Variants in LRRC56 observed in about 807,000 individuals in gnomAD.
The protein encoded by LRRC56 is leucine rich repeat containing 56, also known as leucine-rich repeat-containing protein 56.
LRRC56 carries 41 observed loss-of-function variants against 47.8 expected under a neutral mutation model. The ratio of observed to expected loss-of-function variants is 0.86; its 90% CI spans 0.67 to 1.11. The LOEUF (loss-of-function observed/expected upper bound fraction) is 1.11, where lower values mean the gene tolerates loss of function less well. Among genes scored for constraint, LRRC56 ranks in the 50% most tolerant of loss-of-function variants. LRRC56 has a pLI of 0.00. For synonymous variants in LRRC56, 387 were observed against 311.2 expected, an observed-to-expected ratio of 1.24 and a Z score of -2.56; for missense variants, 759 against 704.2, an observed-to-expected ratio of 1.08 and a Z score of -0.88.
chr11:520,973 A>G, the LRRC56 span, among the ~76,000 whole-genome samples: 1 of 152,022 alleles, frequency 6.6e-6, no homozygotes, highest in South Asian at 2.1e-4. Flanking sequence ...GCTGTTGACT[A>G]CTCCGCTGCC....
In LRRC56 at chr11:554,420, G is replaced by GT; in HGVS notation, c.*145dup. On this transcript the variant is annotated 3_prime_UTR_variant, in exon 14 of 14. Coordinates refer to ENST00000270115, the MANE Select transcript of LRRC56 (RefSeq NM_198075.4). ...GGGAGGACCCTCTTGGTGGAGGGGA[G>GT]TGGGGGACTGGGACCAGCCAGGGAG... 1 of 688,250 alleles carries GT rather than the reference G, an allele frequency of 1.5e-6. No individual in the cohort carries two copies. Among genetic ancestry groups the GT allele is most frequent in the South Asian group, 3.6e-5 (1 of 28,140 alleles). 42.6% of individuals were successfully genotyped at this position (688,250 alleles called of 1,614,324 possible).
chr11:552,181 C>G lies in LRRC56; in HGVS notation c.1130C>G (p.Ser377Cys), dbSNP rs1218324217. Residue 377 changes from serine to cysteine, a missense_variant, in exon 12 of 14, where the codon TCT becomes TGT. Ser to Cys is a moderately radical substitution (Grantham distance 112, BLOSUM62 -1). Transcript: ENST00000270115. The stretch of plus-strand genomic sequence containing the variant: ...CCAGAGCCTGACCCTGCAGACAGCT[C>G]TGACTTCCTGGCCTTGGCTGGGCTC... ...STPEPDPADS[S>C]DFLALAGLRA... is the part of the protein sequence containing the mutation. 3 of 1,612,556 alleles carry G rather than the reference C, an allele frequency of 1.9e-6. No homozygotes were observed. The highest frequency in any genetic ancestry group is 8.5e-7 in the Non-Finnish European group (1 of 1,179,858).
chr11:552,246 C>G lies in LRRC56; in HGVS notation c.1181+14C>G. 1 of 1,603,758 alleles carries G rather than the reference C, an allele frequency of 6.2e-7. No homozygotes were observed. The highest frequency in any genetic ancestry group is 1.7e-5 in the Admixed American group (1 of 59,592). ...ACATGGCGTGCGGTGGGTGTCCCTC[C>G]AGCTCTTCCACTGGGTGTGTCCTGT... On this transcript the variant is annotated intron_variant, in intron 12 of 13. Coordinates refer to ENST00000270115, the MANE Select transcript of LRRC56 (RefSeq NM_198075.4).
intron 5 of LRRC56, among the ~76,000 whole-genome samples, chr11:542,975 A>G (rs1851877901): frequency 6.6e-6 from 1 of 151,652 alleles, no homozygotes; most frequent in Non-Finnish European, 1.5e-5. Context: ...AGCTCACTGC[A>G]ACCTCTGCCT....
chr11:525,713 TAGTG>T, the LRRC56 span, among the ~76,000 whole-genome samples: 2,747 of 151,472 alleles, frequency 0.018, 81 homozygotes, highest in African/African-American at 0.063. Flanking sequence ...CTGGCCAACA[TAGTG>T]AGACCTGGTC....
chr11:550,614 C>T (rs1439138419), intron 8 of LRRC56, among the ~76,000 whole-genome samples: 1 of 152,174 alleles, frequency 6.6e-6, no homozygotes, highest in African/African-American at 2.4e-5. Flanking sequence ...TGTCCAGAGC[C>T]ACCTCCAGCC....
the LRRC56 span, among the ~76,000 whole-genome samples, chr11:514,609 G>T: frequency 1.3e-5 from 2 of 151,826 alleles, no homozygotes; most frequent in Admixed American, 6.6e-5. Context: ...TTGTTTTTTT[G>T]GTCTTGAGGG....
chr11:532,295 CAG>C, the LRRC56 span: 1 of 479,052 alleles, frequency 2.1e-6, no homozygotes, highest in Non-Finnish European at 3.8e-6. Flanking sequence ...CAAGGGCCCA[CAG>C]AGGCCTGGGA....
rs766623855 is a variant in LRRC56, at chr11:551,946, G to C, written c.1017G>C (p.Arg339=). ...VLCGNPTKGL[R]ERRHQCQARE... is the part of the protein sequence containing the mutation. The stretch of plus-strand genomic sequence containing the variant: ...GTGGGAACCCCACCAAGGGCCTGCG[G>C]GAGCGTAGGCACCAGTGCCAGGTAC... The change falls in exon 11 of 14, where the codon CGG becomes CGC. Residue 339 remains arginine (R), a synonymous_variant. Transcript: ENST00000270115. 4 of 1,612,706 alleles carry C rather than the reference G, an allele frequency of 2.5e-6. No individual in the cohort carries two copies. Among genetic ancestry groups the C allele is most frequent in the Middle Eastern group, 3.3e-4 (2 of 6,060 alleles).
chr11:509,900 C>T, the LRRC56 span, among the ~76,000 whole-genome samples: 2 of 151,914 alleles, frequency 1.3e-5, no homozygotes, highest in Non-Finnish European at 2.9e-5. Context: ...TTTAAACTTA[C>T]TCAGTTCACC....
the LRRC56 span, among the ~76,000 whole-genome samples, chr11:531,901 G>A: frequency 9.8e-5 from 15 of 152,290 alleles, no homozygotes; most frequent in East Asian, 3.9e-4. Context: ...GCCTCTCACC[G>A]CCAAGAAGGC....
the LRRC56 span, among the ~76,000 whole-genome samples, chr11:526,436 G>A: frequency 3.3e-5 from 5 of 152,112 alleles, no homozygotes; most frequent in Admixed American, 1.3e-4. Context: ...CGGCACGCTG[G>A]ACAGTCAGGT....
At chr11:525,662 G>A in the LRRC56 span, among the ~76,000 whole-genome samples, 25 of 152,160 alleles carry the variant, frequency 1.6e-4, no homozygotes, top group Non-Finnish European at 3.4e-4. Flanking sequence ...TAGAGAGGCT[G>A]AGGCAGAAGG....
chr11:543,636 G>A (rs1309331728), intron 5 of LRRC56, among the ~76,000 whole-genome samples: 2 of 152,198 alleles, frequency 1.3e-5, no homozygotes, highest in Non-Finnish European at 2.9e-5. Context: ...TTTTGCAATG[G>A]CCTGTGAAGT....
In LRRC56 at chr11:554,816, GA is replaced by G. The variant is rs1336887221; in HGVS notation, c.*541del. On this transcript the variant is annotated 3_prime_UTR_variant, in exon 14 of 14. Transcript: ENST00000270115. ...GGCCCGTTCCCTCCTCTTGGCGCAG[GA>G]CGCCCCGGAACCCAAACCAACATTT... 1.4e-3 allele frequency: 791 copies of G among 558,050 alleles called. 7 individuals carry two copies. In the African/African-American group the frequency reaches 0.015, roughly 10 times the overall value. The allele number at this position is 558,050 out of a possible 1,614,324, so 34.6% of individuals were successfully genotyped here.
chr11:534,152 G>A, upstream of LRRC56: 1 of 1,382,980 alleles, frequency 7.2e-7, no homozygotes, highest in South Asian at 1.2e-5. Context: ...CCCTATCCTG[G>A]CTGTGTCCTG....
chr11:511,151 C>A, the LRRC56 span, among the ~76,000 whole-genome samples: 6 of 151,250 alleles, frequency 4.0e-5, no homozygotes, highest in African/African-American at 1.2e-4. Context: ...AAAACCGCGT[C>A]TCTACTAAAA....
upstream of LRRC56, among the ~76,000 whole-genome samples, chr11:534,959 G>A (rs1851371454): frequency 6.6e-6 from 1 of 152,252 alleles, no homozygotes; most frequent in East Asian, 1.9e-4. Flanking sequence ...AGCAGGGACT[G>A]AGCGACAGGA....
chr11:523,403 C>T, the LRRC56 span, among the ~76,000 whole-genome samples: 3 of 150,828 alleles, frequency 2.0e-5, no homozygotes, highest in Non-Finnish European at 4.4e-5. Flanking sequence ...GAGGCTGAGG[C>T]AGGCAGATCA....
Sources: allele counts gnomAD v4.1 joint callset (sites outside exome capture counted in the v4.1 genomes callset), GRCh38; gene constraint gnomAD v4.1.1; transcripts MANE v1.5; gene names NCBI Gene and HGNC (gene_info 2026-07-23, HGNC 2026-07-21).